Variants in FAM13A observed in about 807,000 individuals in gnomAD.
FAM13A encodes family with sequence similarity 13 member A, also known as protein FAM13A.
Under a neutral mutation model 129.6 loss-of-function variants are expected in FAM13A, and 76 were observed. The ratio of observed to expected loss-of-function variants is 0.59; its 90% CI spans 0.49 to 0.71. FAM13A has a LOEUF of 0.71. FAM13A is among the 30% of genes least tolerant of loss of function. FAM13A has a pLI of 0.00. For synonymous variants in FAM13A, 443 were observed against 449.9 expected, an observed-to-expected ratio of 0.98 and a Z score of 0.20; for missense variants, 1,108 against 1,249.3, an observed-to-expected ratio of 0.89 and a Z score of 1.70.
intron 4 of FAM13A, among the ~76,000 whole-genome samples, chr4:88,957,200 C>T (rs931369384): frequency 1.3e-5 from 2 of 152,112 alleles, no homozygotes; most frequent in African/African-American, 4.8e-5. Context: ...GAGGCACATG[C>T]CGGCAGTCCC....
intron 6 of FAM13A, among the ~76,000 whole-genome samples, chr4:88,880,765 G>T (rs553604760): frequency 6.9e-6 from 1 of 143,960 alleles, no homozygotes; most frequent in Non-Finnish European, 1.5e-5. Context: ...GAGCTGTTGC[G>T]GGTGGTGCGG....
chr4:88,880,408 G>A lies in FAM13A; in HGVS notation c.843+25971C>T, dbSNP rs150616701. Among the ~76,000 whole-genome samples the A allele has an allele frequency of 8.3e-3, 1,258 of 152,224 alleles. 9 individuals carry two copies. The highest frequency in any genetic ancestry group is 0.013 in the Non-Finnish European group (859 of 68,024). ...GAGCCAAGCGAAATATCAGAGTAGA[G>A]GAAGCAGCAGGAAGAGCTCTGTGGG... On this transcript the variant is annotated intron_variant, in intron 6 of 23. Coordinates refer to ENST00000264344, the MANE Select transcript of FAM13A (RefSeq NM_014883.4).
At chr4:88,897,015 G>C (rs1579173417) in intron 6 of FAM13A, among the ~76,000 whole-genome samples, 1 of 152,192 alleles carries the variant, frequency 6.6e-6, no homozygotes, top group Non-Finnish European at 1.5e-5. Context: ...AGGGAAAAGA[G>C]AAGGAAGATC....
At chr4:88,873,829 A>C (rs1017163148) in intron 6 of FAM13A, among the ~76,000 whole-genome samples, 1 of 152,214 alleles carries the variant, frequency 6.6e-6, no homozygotes, top group African/African-American at 2.4e-5. Context: ...GCAGAGACAC[A>C]ACAACAAAAA....
At chr4:88,985,347 G>A (rs1238766426) in intron 4 of FAM13A, among the ~76,000 whole-genome samples, 1 of 152,098 alleles carries the variant, frequency 6.6e-6, no homozygotes, top group Admixed American at 6.6e-5. Flanking sequence ...CATTTCTTTT[G>A]GGGGTGATGA....
At position 88,787,910 on chromosome 4, in the gene FAM13A, A is replaced by T; in HGVS notation, c.1114T>A (p.Ser372Thr). The T allele has an allele frequency of 6.2e-7, 1 of 1,612,950 alleles. No individual in the cohort carries two copies. Among genetic ancestry groups the T allele is most frequent in the East Asian group, 2.2e-5 (1 of 44,806 alleles). ...TCAAAAAGATGTTGTTCTACAGCTG[A>T]TCGGATGGTTCTTTCTAAGAGTCTG... ...TGELLERTIR[S>T]AVEQHLFDVN... The change falls in exon 10 of 24, where the codon TCA becomes ACA. Residue 372 changes from serine to threonine, a missense_variant. Transcript: ENST00000264344.
At chr4:88,750,280 G>T in intron 15 of FAM13A, 144 bp downstream of exon 15, 1 of 683,102 alleles carries the variant, frequency 1.5e-6, no homozygotes, top group Non-Finnish European at 2.5e-6. Flanking sequence ...AACATGGCCT[G>T]TGTCCTAGGA....
At chr4:88,934,053 G>T (rs1201179662) in intron 5 of FAM13A, among the ~76,000 whole-genome samples, 3 of 151,922 alleles carry the variant, frequency 2.0e-5, no homozygotes, top group Admixed American at 6.6e-5. Flanking sequence ...CAAGACCTTT[G>T]TACTGCTCTT....
chr4:88,909,633 T>C (rs548836143), intron 5 of FAM13A, among the ~76,000 whole-genome samples: 147 of 152,122 alleles, frequency 9.7e-4, no homozygotes, highest in Non-Finnish European at 1.7e-3. Flanking sequence ...ACTACAGGTG[T>C]GCACCACCAT....
rs116622246 is a variant in FAM13A, at chr4:88,973,009, G to T, written c.605+17964C>A. On this transcript the variant is annotated intron_variant, in intron 4 of 23. Coordinates refer to ENST00000264344, the MANE Select transcript of FAM13A (RefSeq NM_014883.4). Reference sequence around the variant, plus strand: ...TATCCACACTCTTCTTGCATGCATTGTTTCAGAGAAGTCAGATGTAGAGCT... The same window carrying T: ...TATCCACACTCTTCTTGCATGCATTTTTTCAGAGAAGTCAGATGTAGAGCT... Among the ~76,000 whole-genome samples, 991 of 152,198 alleles carry T rather than the reference G, an allele frequency of 6.5e-3. 17 individuals carry two copies. Among genetic ancestry groups the T allele is most frequent in the African/African-American group, 0.023 (947 of 41,522 alleles).
chr4:88,737,403 C>T, intron 21 of FAM13A, 69 bp downstream of exon 21: 1 of 1,325,230 alleles, frequency 7.5e-7, no homozygotes, highest in Non-Finnish European at 1.1e-6. Context: ...TTTCCATTCA[C>T]CGGAGGGGAG....
chr4:88,738,412 T>C (rs1451200725), intron 20 of FAM13A, among the ~76,000 whole-genome samples: 1 of 152,098 alleles, frequency 6.6e-6, no homozygotes, highest in African/African-American at 2.4e-5. Flanking sequence ...GGCTGGGCCC[T>C]AAAGACTTCC....
chr4:88,808,199 A>C (rs746561325), intron 7 of FAM13A, among the ~76,000 whole-genome samples: 73 of 152,180 alleles, frequency 4.8e-4, no homozygotes, highest in Non-Finnish European at 9.0e-4. Context: ...GAGACAACTA[A>C]ATCATTGATT....
chr4:89,038,135 G>A (rs550557570), intron 1 of FAM13A, among the ~76,000 whole-genome samples: 1 of 152,294 alleles, frequency 6.6e-6, no homozygotes, highest in East Asian at 1.9e-4. Flanking sequence ...AGCTCTGCGA[G>A]GGCCCAAGGG....
Position 88,945,964 on chromosome 4 carries a change from C to CTGTGTGTG in FAM13A, c.606-7731_606-7724dup, listed in dbSNP as rs763159585. Among the ~76,000 whole-genome samples, 213 of 70,736 alleles carry CTGTGTGTG rather than the reference C, an allele frequency of 3.0e-3. 1 individual carries two copies. Among genetic ancestry groups the CTGTGTGTG allele is most frequent in the Middle Eastern group, 8.3e-3 (1 of 120 alleles). The allele number at this position is 70,736 out of a possible 152,430, so 46.4% of individuals were successfully genotyped here. On this transcript the variant is annotated intron_variant, in intron 4 of 23. Transcript: ENST00000264344. ...TAGTATATTTATACACACATAGTAT[C>CTGTGTGTG]TGTGTGTGTGTGTGTGTGTGTGTGT... is the stretch of plus-strand genomic sequence containing the variant.
intron 6 of FAM13A, among the ~76,000 whole-genome samples, chr4:88,897,406 G>A (rs1746537815): frequency 6.6e-6 from 1 of 152,178 alleles, no homozygotes; most frequent in Non-Finnish European, 1.5e-5. Flanking sequence ...AAATTAAGAT[G>A]TGGCTTTCCT....
At chr4:88,837,737 A>G (rs1205592686) in intron 7 of FAM13A, among the ~76,000 whole-genome samples, 1 of 151,210 alleles carries the variant, frequency 6.6e-6, no homozygotes, top group Non-Finnish European at 1.5e-5. Context: ...AAAAAAAAAA[A>G]AAGCAAAACA....
At chr4:88,877,334 T>C (rs1742705286) in intron 6 of FAM13A, among the ~76,000 whole-genome samples, 1 of 152,198 alleles carries the variant, frequency 6.6e-6, no homozygotes, top group African/African-American at 2.4e-5. Context: ...TTCTAAGAAA[T>C]GAATCTTATG....
At chr4:88,814,446 C>T (rs1318634593) in intron 7 of FAM13A, among the ~76,000 whole-genome samples, 1 of 152,074 alleles carries the variant, frequency 6.6e-6, no homozygotes, top group Non-Finnish European at 1.5e-5. Flanking sequence ...ATTAATAACT[C>T]GGCAGGTGTG....
Sources: gnomAD v4.1 joint callset for allele counts (sites outside exome capture counted in the v4.1 genomes callset) on GRCh38, gnomAD v4.1.1 for gene constraint, MANE v1.5 for transcripts, NCBI Gene and HGNC (gene_info 2026-07-23, HGNC 2026-07-21) for gene names.